VTI1A: variants seen among roughly 807,000 people sequenced by gnomAD.
VTI1A encodes the protein vesicle transport through interaction with t-SNAREs 1A.
VTI1A carries 22 observed loss-of-function variants against 34.9 expected under a neutral mutation model. That is an observed-to-expected ratio of 0.63 (90% CI 0.45 to 0.90). VTI1A has a LOEUF of 0.90. VTI1A is among the 40% of genes least tolerant of loss of function. The pLI, the probability that VTI1A is intolerant of heterozygous loss-of-function variation, is 0.00. For missense variants in VTI1A, 268 were observed against 275.6 expected (o/e 0.97, Z 0.20); for synonymous variants, 87 against 97.3 (o/e 0.89, Z 0.62).
chr10:112,493,048 T>C (rs1382925621), intron 3 of VTI1A, among the ~76,000 whole-genome samples: 2 of 152,206 alleles, frequency 1.3e-5, no homozygotes, highest in Non-Finnish European at 2.9e-5. Flanking sequence ...TATTAATTTG[T>C]TGAATAGAAT....
downstream of VTI1A, among the ~76,000 whole-genome samples, chr10:112,821,581 T>C (rs1219636889): frequency 3.9e-5 from 6 of 152,160 alleles, no homozygotes; most frequent in African/African-American, 1.4e-4. Context: ...CATAGAGGCA[T>C]CCTGGGCTGA....
intron 1 of VTI1A, among the ~76,000 whole-genome samples, chr10:112,458,700 A>G (rs1847629511): frequency 6.6e-6 from 1 of 151,250 alleles, no homozygotes; most frequent in African/African-American, 2.4e-5. Flanking sequence ...AGAGTCCCGC[A>G]CTGTTGCCCA....
chr10:112,667,350 T>C (rs1374220862), intron 5 of VTI1A, among the ~76,000 whole-genome samples: 1 of 151,978 alleles, frequency 6.6e-6, no homozygotes, highest in Non-Finnish European at 1.5e-5. Flanking sequence ...TCCCAGGTAA[T>C]GGGGAATGAG....
intron 7 of VTI1A, among the ~76,000 whole-genome samples, chr10:112,697,838 A>G (rs990223402): frequency 3.4e-5 from 5 of 148,466 alleles, no homozygotes; most frequent in African/African-American, 1.3e-4. Flanking sequence ...AGCTGCCTGA[A>G]ATTTTGTTTC....
intron 7 of VTI1A, among the ~76,000 whole-genome samples, chr10:112,741,248 G>A (rs1349005562): frequency 1.3e-5 from 2 of 152,170 alleles, no homozygotes; most frequent in East Asian, 3.9e-4. Flanking sequence ...TTGAGGTCAG[G>A]AGTTCAAGAC....
chr10:112,562,837 G>A (rs562720338), intron 5 of VTI1A, among the ~76,000 whole-genome samples: 1 of 152,038 alleles, frequency 6.6e-6, no homozygotes, highest in East Asian at 1.9e-4. Context: ...TTCCCTAATC[G>A]GGCACTGTCA....
Position 112,640,753 on chromosome 10 carries a change from C to G in VTI1A, c.428-27465C>G, listed in dbSNP as rs191719696. Among the ~76,000 whole-genome samples the G allele has an allele frequency of 1.5e-4, 23 of 152,248 alleles. No homozygotes were observed. The East Asian group carries it at 4.0e-3, about 27-fold the overall frequency. The stretch of plus-strand genomic sequence containing the variant: ...TTAATATTGGCCTATCATTTGGCAG[C>G]TGTTGAATTAGGCAGTTGTTTTATT... On this transcript the variant is annotated intron_variant, in intron 5 of 7. Transcript: ENST00000393077.
chr10:112,821,094 A>T (rs1233248178), downstream of VTI1A, among the ~76,000 whole-genome samples: 2 of 152,190 alleles, frequency 1.3e-5, no homozygotes, highest in African/African-American at 4.8e-5. Flanking sequence ...CTCGTGCTAC[A>T]TGAAGAACTC....
intron 4 of VTI1A, among the ~76,000 whole-genome samples, chr10:112,528,836 G>A (rs1053494572): frequency 5.3e-5 from 8 of 152,056 alleles, no homozygotes; most frequent in African/African-American, 1.9e-4. Context: ...CTCCTTTATC[G>A]TAATGGATGT....
chr10:112,658,154 C>T (rs1224249864), intron 5 of VTI1A, among the ~76,000 whole-genome samples: 1 of 152,158 alleles, frequency 6.6e-6, no homozygotes, highest in Admixed American at 6.5e-5. Context: ...GTGGCACAGT[C>T]ATAGCTCACT....
intron 7 of VTI1A, among the ~76,000 whole-genome samples, chr10:112,785,784 T>G (rs547408119): frequency 5.7e-4 from 87 of 152,328 alleles, no homozygotes; most frequent in African/African-American, 2.1e-3. Context: ...ATATAAATGT[T>G]TATTTCTGGA....
chr10:112,671,680 C>G (rs1053779204), intron 7 of VTI1A: 2 of 152,062 alleles, frequency 1.3e-5, no homozygotes, highest in African/African-American at 4.8e-5. Context: ...CCATTGATAC[C>G]AAGATCTGTG....
intron 7 of VTI1A, among the ~76,000 whole-genome samples, chr10:112,710,458 T>G (rs2133919534): frequency 6.6e-6 from 1 of 152,234 alleles, no homozygotes; most frequent in South Asian, 2.1e-4. Flanking sequence ...CCGCCCACCT[T>G]GGCCTCCCAA....
At chr10:112,466,684 T>G (rs1847905633) in intron 3 of VTI1A, among the ~76,000 whole-genome samples, 1 of 152,188 alleles carries the variant, frequency 6.6e-6, no homozygotes, top group Non-Finnish European at 1.5e-5. Context: ...TTAGCTTGCT[T>G]ACCTCATTTT....
At chr10:112,848,770 G>A in the VTI1A span, among the ~76,000 whole-genome samples, 1 of 152,158 alleles carries the variant, frequency 6.6e-6, no homozygotes, top group Admixed American at 6.5e-5. Flanking sequence ...TACATACGGA[G>A]CCCAGAGACT....
At chr10:112,475,247 T>C (rs988218962) in intron 3 of VTI1A, among the ~76,000 whole-genome samples, 1 of 152,246 alleles carries the variant, frequency 6.6e-6, no homozygotes, top group African/African-American at 2.4e-5. Flanking sequence ...TGCCTTTAGC[T>C]TCTGTAGAAT....
chr10:112,608,451 A>G, intron 5 of VTI1A, among the ~76,000 whole-genome samples: 1 of 152,186 alleles, frequency 6.6e-6, no homozygotes, highest in East Asian at 1.9e-4. Flanking sequence ...CACTTGGACT[A>G]TAGTTTTTAA....
chr10:112,711,870 C>G (rs1564894797), intron 7 of VTI1A, among the ~76,000 whole-genome samples: 1 of 152,182 alleles, frequency 6.6e-6, no homozygotes, highest in Non-Finnish European at 1.5e-5. Context: ...GTGTGGTTCC[C>G]TCTATGTGGT....
intron 5 of VTI1A, among the ~76,000 whole-genome samples, chr10:112,660,523 T>A (rs902162267): frequency 3.3e-5 from 5 of 152,216 alleles, no homozygotes; most frequent in African/African-American, 1.2e-4. Flanking sequence ...CCCAAGTGAA[T>A]ACTTCTTGAT....
Sources: allele counts gnomAD v4.1 joint callset (sites outside exome capture counted in the v4.1 genomes callset), GRCh38; gene constraint gnomAD v4.1.1; transcripts MANE v1.5; gene names NCBI Gene and HGNC (gene_info 2026-07-23, HGNC 2026-07-21).